The following GMDS variants were observed in gnomAD, a reference collection of about 807,000 sequenced individuals.
GMDS encodes GDP-mannose 4,6 dehydratase.
GMDS carries 20 observed loss-of-function variants against 49.9 expected under a neutral mutation model. The ratio of observed to expected loss-of-function variants is 0.40; its 90% CI spans 0.28 to 0.58. GMDS has a LOEUF of 0.58. GMDS is among the 20% of genes least tolerant of loss of function. The pLI, the probability that GMDS is intolerant of heterozygous loss-of-function variation, is 0.42. For missense variants in GMDS, 362 were observed against 481.4 expected, an observed-to-expected ratio of 0.75 and a Z score of 2.32; for synonymous variants, 177 against 178.6, an observed-to-expected ratio of 0.99 and a Z score of 0.07.
intron 4 of GMDS, among the ~76,000 whole-genome samples, chr6:2,064,820 A>G (rs2127451418): frequency 6.6e-6 from 1 of 152,334 alleles, no homozygotes; most frequent in South Asian, 2.1e-4. Context: ...GACCACTTAC[A>G]GAGTGCTTTT....
At chr6:1,930,324 C>G (rs1762232130) in intron 6 of GMDS, 94 bp from the exon 7 acceptor site, 7 of 945,776 alleles carry the variant, frequency 7.4e-6, no homozygotes, top group Non-Finnish European at 1.1e-5. Flanking sequence ...CTGGGCATTT[C>G]TTTCATTCTA....
At chr6:1,865,784 T>C (rs998178840) in intron 7 of GMDS, among the ~76,000 whole-genome samples, 2 of 152,132 alleles carry the variant, frequency 1.3e-5, no homozygotes, top group Non-Finnish European at 2.9e-5. Context: ...AGAGCCCTCA[T>C]TGTTTCCAAA....
chr6:1,983,073 C>T (rs905686050), intron 4 of GMDS, among the ~76,000 whole-genome samples: 22 of 152,110 alleles, frequency 1.4e-4, no homozygotes, highest in East Asian at 1.9e-4. Flanking sequence ...AAAATGAGAC[C>T]GCACACCCAC....
At chr6:2,125,415 AC>A (rs1277994210) in intron 1 of GMDS, among the ~76,000 whole-genome samples, 1 of 152,128 alleles carries the variant, frequency 6.6e-6, no homozygotes, top group East Asian at 1.9e-4. Flanking sequence ...GGTGTGAGCC[AC>A]CATGCCCAGC....
chr6:2,017,986 A>C (rs546349198), intron 4 of GMDS, among the ~76,000 whole-genome samples: 1 of 152,198 alleles, frequency 6.6e-6, no homozygotes, highest in Non-Finnish European at 1.5e-5. Context: ...TTAAAAATAG[A>C]AATAATTTTT....
At chr6:2,077,795 T>A (rs1028003117) in intron 4 of GMDS, among the ~76,000 whole-genome samples, 1 of 152,160 alleles carries the variant, frequency 6.6e-6, no homozygotes, top group East Asian at 1.9e-4. Flanking sequence ...GCTGCCCTCA[T>A]AGAATGAGTT....
chr6:1,995,536 C>T (rs1461649988), intron 4 of GMDS, among the ~76,000 whole-genome samples: 1 of 152,180 alleles, frequency 6.6e-6, no homozygotes, highest in Admixed American at 6.5e-5. Flanking sequence ...TCCATCCGCA[C>T]TAACATTTCC....
intron 9 of GMDS, among the ~76,000 whole-genome samples, chr6:1,631,099 G>A (rs1337106966): frequency 2.6e-5 from 4 of 152,302 alleles, no homozygotes; most frequent in East Asian, 1.9e-4. Flanking sequence ...TGAGTGGACC[G>A]ATTAGGGACT....
At chr6:2,002,622 G>A (rs1236711307) in intron 4 of GMDS, among the ~76,000 whole-genome samples, 1 of 152,132 alleles carries the variant, frequency 6.6e-6, no homozygotes, top group Non-Finnish European at 1.5e-5. Flanking sequence ...TATTGAAGAA[G>A]GTTCTAGGCC....
chr6:1,806,949 A>G (rs1248057683), intron 7 of GMDS, among the ~76,000 whole-genome samples: 1 of 152,230 alleles, frequency 6.6e-6, no homozygotes, highest in African/African-American at 2.4e-5. Flanking sequence ...TGCTATAAAT[A>G]TAATATGCAT....
intron 7 of GMDS, among the ~76,000 whole-genome samples, chr6:1,797,324 T>C (rs534123875): frequency 6.6e-6 from 1 of 152,228 alleles, no homozygotes; most frequent in Non-Finnish European, 1.5e-5. Flanking sequence ...TGGCCTGCTA[T>C]AAGCACAGGT....
rs1756779253 is a variant in GMDS, at chr6:1,833,553, G to A, written c.772-90967C>T. On this transcript the variant is annotated intron_variant, in intron 7 of 10. Coordinates refer to ENST00000380815, the MANE Select transcript of GMDS (RefSeq NM_001500.4). The surrounding 1 kb of genome is among the most constrained non-coding windows in gnomAD (Gnocchi z 4.4). ...CTTTCCCTTCTCCTCCCCTTCCTGA[G>A]GGAACATAACACAAGGTAATTAAAT... Among the ~76,000 whole-genome samples the A allele has an allele frequency of 6.6e-6, 1 of 151,742 alleles. No individual in the cohort carries two copies. Among genetic ancestry groups the A allele is most frequent in the South Asian group, 2.1e-4 (1 of 4,802 alleles).
intron 7 of GMDS, among the ~76,000 whole-genome samples, chr6:1,916,853 AC>A (rs1427251339): frequency 6.7e-6 from 1 of 149,368 alleles, no homozygotes; most frequent in Non-Finnish European, 1.5e-5. Flanking sequence ...AATCTAAACC[AC>A]CCATGCCACG....
rs544607037 is a variant in GMDS at position 1,783,073 on chromosome 6, C to T, written c.772-40487G>A. Among the ~76,000 whole-genome samples, 29 of 152,110 alleles carry T rather than the reference C, an allele frequency of 1.9e-4. No individual in the cohort carries two copies. In the East Asian group the frequency reaches 4.5e-3, roughly 23 times the overall value. On this transcript the variant is annotated intron_variant, in intron 7 of 10. Coordinates refer to ENST00000380815, the MANE Select transcript of GMDS (RefSeq NM_001500.4). ...TGGAAGCTGAGGTGGGAGGATCACT[C>T]GAGCCTGGGAGGTCAAGGCTGTAGT...
intron 4 of GMDS, among the ~76,000 whole-genome samples, chr6:2,080,192 A>G (rs1305499011): frequency 6.6e-6 from 1 of 151,988 alleles, no homozygotes; most frequent in African/African-American, 2.4e-5. Flanking sequence ...CTCTTTGGCA[A>G]ATTTTTCATT....
At position 2,130,873 on chromosome 6, in the gene GMDS, T is replaced by C. The variant is rs539360275; in HGVS notation, c.103-6142A>G. Among the ~76,000 whole-genome samples the C allele has an allele frequency of 5.3e-4, 81 of 152,276 alleles. 1 individual carries two copies. The South Asian group carries it at 0.015, about 28-fold the overall frequency. ...GTTTTTAAAAAATGGTACAGACGTG[T>C]TTTTTCATTTTTTGACTGGTAGTAA... On this transcript the variant is annotated intron_variant, in intron 1 of 10. Transcript: ENST00000380815.
intron 1 of GMDS, among the ~76,000 whole-genome samples, chr6:2,165,869 G>A (rs145499682): frequency 2.9e-4 from 44 of 152,218 alleles, no homozygotes; most frequent in African/African-American, 9.1e-4. Flanking sequence ...GACATTCCAC[G>A]TAGGAAAATA....
chr6:2,090,068 C>T (rs1773230866), intron 4 of GMDS, among the ~76,000 whole-genome samples: 1 of 152,230 alleles, frequency 6.6e-6, no homozygotes, highest in South Asian at 2.1e-4. Context: ...CTTACCTCCT[C>T]TACTTTCCCA....
intron 7 of GMDS, among the ~76,000 whole-genome samples, chr6:1,875,768 G>A (rs1019742889): frequency 3.3e-5 from 5 of 152,000 alleles, no homozygotes; most frequent in Non-Finnish European, 5.9e-5. Flanking sequence ...GCTCACACCC[G>A]TAATCCCAGC....
Sources: gnomAD v4.1 joint callset for allele counts (sites outside exome capture counted in the v4.1 genomes callset) on GRCh38, gnomAD v4.1.1 for gene constraint, Gnocchi (gnomAD v3.1) non-coding constraint, MANE v1.5 for transcripts, NCBI Gene and HGNC (gene_info 2026-07-23, HGNC 2026-07-21) for gene names.